Variants in PARD3B observed in about 807,000 individuals in gnomAD.
PARD3B encodes the protein partitioning defective 3 homolog B.
PARD3B carries 103 observed loss-of-function variants against 130.2 expected under a neutral mutation model. The observed-to-expected ratio is 0.79, with a 90% CI of 0.67 to 0.93. The LOEUF is 0.93. Among genes scored for constraint, PARD3B ranks in the 40% least tolerant of loss-of-function variants. The pLI is 0.00. For missense variants in PARD3B, 1,609 were observed against 1,499.2 expected (o/e 1.07, Z -1.21); for synonymous variants, 583 against 553.2 (o/e 1.05, Z -0.76).
At position 205,287,371 on chromosome 2, in the gene PARD3B, C is replaced by T. The variant is rs1484185773; in HGVS notation, c.2186-13159C>T. Reference sequence around the variant, plus strand: ...GAAATGTAGCTGCACCCAGGGTCTCCATGTCAGCAGTACTCTCTCGTGCAG... The same window carrying T: ...GAAATGTAGCTGCACCCAGGGTCTCTATGTCAGCAGTACTCTCTCGTGCAG... On this transcript the variant is annotated intron_variant, in intron 16 of 22. Transcript: ENST00000406610. The surrounding 1 kb of genome is among the most constrained non-coding windows in gnomAD (Gnocchi z 4.8). 6.6e-6 allele frequency among the ~76,000 whole-genome samples: 1 copy of T among 152,184 alleles called. No individual in the cohort carries two copies. Among genetic ancestry groups the T allele is most frequent in the African/African-American group, 2.4e-5 (1 of 41,444 alleles).
intron 1 of PARD3B, among the ~76,000 whole-genome samples, chr2:204,550,606 G>A (rs528202534): frequency 6.6e-6 from 1 of 152,218 alleles, no homozygotes; most frequent in Non-Finnish European, 1.5e-5. Flanking sequence ...CTCTGACTGC[G>A]TATGTGAGTA....
rs555953735 is a variant in PARD3B at position 205,394,662 on chromosome 2, A to G, written c.2631-6351A>G. ...GCAATGGAATATTATTCAGCCTTAA[A>G]AGGGAATGAAATTCTGACACATGCT... On this transcript the variant is annotated intron_variant, in intron 18 of 22. Coordinates refer to ENST00000406610, the MANE Select transcript of PARD3B (RefSeq NM_001302769.2). 7.9e-5 allele frequency among the ~76,000 whole-genome samples: 12 copies of G among 152,328 alleles called. No homozygotes were observed. The South Asian group carries it at 1.0e-3, about 13-fold the overall frequency.
chr2:205,170,618 G>A (rs1206088091), intron 11 of PARD3B, among the ~76,000 whole-genome samples: 2 of 152,112 alleles, frequency 1.3e-5, no homozygotes, highest in South Asian at 4.2e-4. Context: ...GGGAACAGCA[G>A]CTCTCACCAT....
rs2125760990 is a variant in PARD3B, at chr2:205,176,168, G to A, written c.1792-277G>A. Among the ~76,000 whole-genome samples the A allele has an allele frequency of 6.6e-6, 1 of 152,250 alleles. No individual in the cohort carries two copies. Among genetic ancestry groups the A allele is most frequent in the South Asian group, 2.1e-4 (1 of 4,820 alleles). The stretch of plus-strand genomic sequence containing the variant: ...CCAGATGGAAGAAAATTTGAAAGAA[G>A]CCAGTTATAAGTGGGAAAAGAGAAT... On this transcript the variant is annotated intron_variant, in intron 12 of 22. Transcript: ENST00000406610. This position sits in a 1 kb window ranked among gnomAD's most constrained non-coding sequence, Gnocchi z 5.3.
intron 10 of PARD3B, among the ~76,000 whole-genome samples, chr2:205,132,506 G>C (rs1384916064): frequency 6.6e-6 from 1 of 152,028 alleles, no homozygotes; most frequent in African/African-American, 2.4e-5. Context: ...AACTCCTTAA[G>C]ATATCTACTT....
Position 205,309,894 on chromosome 2 carries a change from A to ATCTG in PARD3B, c.2630+8196_2630+8197insGTCT, listed in dbSNP as rs1249758391. 2.3e-3 allele frequency among the ~76,000 whole-genome samples: 3 copies of ATCTG among 1,314 alleles called. No homozygotes were observed. The highest frequency in any genetic ancestry group is 6.8e-3 in the Non-Finnish European group (3 of 444). The allele number at this position is 1,314 out of a possible 152,430, so 0.9% of individuals were successfully genotyped here. A position where few individuals can be genotyped will look rare whatever the true frequency, so the allele number is the denominator to read the frequency against. ...ACTTGATAGACATTACTTCTTATCCATCTATCTATCTATCTATCTATCTAT... is the reference window on the plus strand; with the variant it reads ...ACTTGATAGACATTACTTCTTATCCATCTGTCTATCTATCTATCTATCTATCTAT... On this transcript the variant is annotated intron_variant, in intron 18 of 22. Transcript: ENST00000406610. The surrounding 1 kb of genome is among the most constrained non-coding windows in gnomAD (Gnocchi z 4.7).
intron 15 of PARD3B, among the ~76,000 whole-genome samples, chr2:205,235,762 T>A (rs893877129): frequency 2.0e-4 from 31 of 152,212 alleles, no homozygotes; most frequent in African/African-American, 6.8e-4. Context: ...CCATTTAATA[T>A]TTTAGACTAT....
At chr2:205,272,019 A>T (rs1354277974) in intron 16 of PARD3B, among the ~76,000 whole-genome samples, 1 of 152,060 alleles carries the variant, frequency 6.6e-6, no homozygotes, top group African/African-American at 2.4e-5. Context: ...TTAGCCAGGC[A>T]TGGTAGTGCA....
At chr2:204,838,353 G>A (rs1458616280) in intron 2 of PARD3B, among the ~76,000 whole-genome samples, 1 of 105,896 alleles carries the variant, frequency 9.4e-6, no homozygotes, top group Non-Finnish European at 1.8e-5. Context: ...TGGCTAATGT[G>A]TGTGTGTGTG....
intron 4 of PARD3B, among the ~76,000 whole-genome samples, chr2:205,069,229 T>C (rs1700570309): frequency 6.6e-6 from 1 of 152,138 alleles, no homozygotes; most frequent in Non-Finnish European, 1.5e-5. Context: ...CATTAAATCC[T>C]ATTTTGCCTG....
intron 19 of PARD3B, among the ~76,000 whole-genome samples, chr2:205,412,578 CT>C (rs1284877977): frequency 1.3e-5 from 2 of 152,286 alleles, no homozygotes; most frequent in East Asian, 3.9e-4. Flanking sequence ...TCTCTATTGC[CT>C]ACTGCATACA....
chr2:204,711,531 G>A (rs1000690232), intron 2 of PARD3B, among the ~76,000 whole-genome samples: 7 of 151,882 alleles, frequency 4.6e-5, no homozygotes, highest in Non-Finnish European at 1.0e-4. Flanking sequence ...AAAAAATTAA[G>A]TTATATATCT....
chr2:204,630,178 A>G (rs546108548), intron 1 of PARD3B, among the ~76,000 whole-genome samples: 4 of 152,278 alleles, frequency 2.6e-5, no homozygotes, highest in East Asian at 1.9e-4. Context: ...GTTATACTCA[A>G]TCTGATCCAA....
intron 16 of PARD3B, among the ~76,000 whole-genome samples, chr2:205,294,741 G>A (rs904224392): frequency 6.6e-6 from 1 of 152,256 alleles, no homozygotes; most frequent in Admixed American, 6.5e-5. Context: ...CCTGGGATTT[G>A]TGAGACTTAA....
At chr2:205,557,775 G>A (rs1332046177) in intron 22 of PARD3B, among the ~76,000 whole-genome samples, 2 of 152,104 alleles carry the variant, frequency 1.3e-5, no homozygotes, top group Non-Finnish European at 2.9e-5. Flanking sequence ...GGGAAGAAAT[G>A]TGCCTTCCTG....
At chr2:205,197,959 A>G (rs2036785751) in intron 15 of PARD3B, among the ~76,000 whole-genome samples, 1 of 152,232 alleles carries the variant, frequency 6.6e-6, no homozygotes, top group African/African-American at 2.4e-5. Context: ...GCAGTATGCC[A>G]GGAAGTTACA....
At chr2:205,569,211 T>C (rs1056820672) in intron 22 of PARD3B, among the ~76,000 whole-genome samples, 1 of 152,124 alleles carries the variant, frequency 6.6e-6, no homozygotes, top group Admixed American at 6.5e-5. Flanking sequence ...TCTGTTTGCA[T>C]GTCATTTCTG....
chr2:204,758,772 G>A (rs1275890559), intron 2 of PARD3B, among the ~76,000 whole-genome samples: 1 of 152,160 alleles, frequency 6.6e-6, no homozygotes, highest in African/African-American at 2.4e-5. Flanking sequence ...AAAGGATCAA[G>A]CGTGGCATTC....
intron 20 of PARD3B, among the ~76,000 whole-genome samples, chr2:205,468,111 T>C (rs1406513335): frequency 6.6e-6 from 1 of 152,190 alleles, no homozygotes; most frequent in Non-Finnish European, 1.5e-5. Flanking sequence ...GCAAAAACAA[T>C]GATCTAGCTT....
Sources: gnomAD v4.1 joint callset for allele counts (sites outside exome capture counted in the v4.1 genomes callset) on GRCh38, gnomAD v4.1.1 for gene constraint, Gnocchi (gnomAD v3.1) non-coding constraint, MANE v1.5 for transcripts, NCBI Gene and HGNC (gene_info 2026-07-23, HGNC 2026-07-21) for gene names.